The following CMIP variants were observed in gnomAD, a reference collection of about 807,000 sequenced individuals.
The protein encoded by CMIP is c-Maf inducing protein.
A neutral mutation model predicts 97.3 loss-of-function variants in CMIP; 13 were observed. That is an observed-to-expected ratio of 0.13 (90% confidence interval 0.09 to 0.21). CMIP has a LOEUF of 0.21. CMIP is among the 10% of genes least tolerant of loss of function. The pLI, the probability that CMIP is intolerant of heterozygous loss-of-function variation, is 1.00. For missense variants in CMIP, 847 were observed against 1,024.9 expected (o/e 0.83, Z 2.37); for synonymous variants, 538 against 436.3 (o/e 1.23, Z -2.91).
rs528350956 is a variant in CMIP, at chr16:81,645,677, G to A, written c.478-6526G>A. The A allele has an allele frequency of 2.0e-5, 30 of 1,482,824 alleles. No individual in the cohort carries two copies. The South Asian group carries it at 3.6e-4, about 18-fold the overall frequency. The allele number at this position is 1,482,824 out of a possible 1,614,324, so 91.9% of individuals were successfully genotyped here. On this transcript the variant is annotated intron_variant, in intron 3 of 20. Transcript: ENST00000537098. ...GACTCTGCCAGACGGGAAGCAGGAGGCTCTGCCTGCTGTCTCTGCTTGCCG... is the reference window on the plus strand; with the variant it reads ...GACTCTGCCAGACGGGAAGCAGGAGACTCTGCCTGCTGTCTCTGCTTGCCG...
chr16:81,448,754 C>T (rs563520060), intron 1 of CMIP, among the ~76,000 whole-genome samples: 6 of 152,362 alleles, frequency 3.9e-5, no homozygotes, highest in South Asian at 2.1e-4. Flanking sequence ...AGCAGATAGG[C>T]GACAGCTGAC....
chr16:81,600,556 C>G (rs1237765352), intron 1 of CMIP, among the ~76,000 whole-genome samples: 1 of 152,128 alleles, frequency 6.6e-6, no homozygotes, highest in Admixed American at 6.5e-5. Context: ...TTGATAGATA[C>G]CAGGCTAGTG....
intron 1 of CMIP, among the ~76,000 whole-genome samples, chr16:81,475,630 T>A (rs559662364): frequency 6.6e-6 from 1 of 152,316 alleles, no homozygotes; most frequent in Admixed American, 6.5e-5. Flanking sequence ...TAGGATACTG[T>A]GAGCAAATGG....
At position 81,710,185 on chromosome 16, in the gene CMIP, C is replaced by T. The variant is rs903384326; in HGVS notation, c.*386C>T. 1.9e-5 allele frequency: 5 copies of T among 263,282 alleles called. No homozygotes were observed. The highest frequency in any genetic ancestry group is 9.5e-5 in the South Asian group (2 of 20,948). 16.3% of individuals were successfully genotyped at this position (263,282 alleles called of 1,614,324 possible). A position where few individuals can be genotyped will look rare whatever the true frequency, so the allele number is the denominator to read the frequency against. On this transcript the variant is annotated 3_prime_UTR_variant, in exon 21 of 21. Coordinates refer to ENST00000537098, the MANE Select transcript of CMIP (RefSeq NM_198390.3). Reference sequence around the variant, plus strand: ...TCCGATGCCACCATTGCGGGCCGGACGAAGGATGCTTTCTTCCTAGAGGCT... The same window carrying T: ...TCCGATGCCACCATTGCGGGCCGGATGAAGGATGCTTTCTTCCTAGAGGCT...
chr16:81,699,839 C>G (rs1464463325), intron 15 of CMIP, 38 bp downstream of exon 15: 1 of 1,386,646 alleles, frequency 7.2e-7, no homozygotes, highest in African/African-American at 1.4e-5. Flanking sequence ...GGGTGGCTGG[C>G]TCCCCGTCCC....
rs1054465015 is a variant in CMIP, at chr16:81,629,010, C to A, written c.477+8084C>A. Among the ~76,000 whole-genome samples the A allele has an allele frequency of 3.3e-5, 5 of 151,742 alleles. No individual in the cohort carries two copies. The East Asian group carries it at 9.7e-4, about 29-fold the overall frequency. On this transcript the variant is annotated intron_variant, in intron 3 of 20. Transcript: ENST00000537098. The stretch of plus-strand genomic sequence containing the variant: ...AATTAGCTGGGCGTGGTGGCTCAGG[C>A]CTATAGTCCCAGCTACTCAGGAGGC...
intron 1 of CMIP, among the ~76,000 whole-genome samples, chr16:81,456,619 A>C (rs1486532992): frequency 6.6e-6 from 1 of 152,258 alleles, no homozygotes; most frequent in East Asian, 1.9e-4. Context: ...CCCCTTATAC[A>C]GATGAGCAAA....
At chr16:81,706,872 G>A in intron 19 of CMIP, 142 bp from the exon 20 acceptor site, 2 of 690,936 alleles carry the variant, frequency 2.9e-6, no homozygotes, top group South Asian at 1.7e-5. Flanking sequence ...TACCCTGGCT[G>A]TGTCTACGAA....
intron 1 of CMIP, among the ~76,000 whole-genome samples, chr16:81,474,454 C>T (rs567515479): frequency 3.3e-5 from 5 of 152,266 alleles, no homozygotes; most frequent in East Asian, 1.9e-4. Flanking sequence ...CAGGTAGGCA[C>T]GTCGCACACT....
chr16:81,533,588 C>A (rs768055512), intron 1 of CMIP, among the ~76,000 whole-genome samples: 1 of 152,144 alleles, frequency 6.6e-6, no homozygotes, highest in Non-Finnish European at 1.5e-5. Flanking sequence ...AAGCAGTTCT[C>A]CTGTCTCAGC....
chr16:81,504,988 A>G (rs555591627), intron 1 of CMIP, among the ~76,000 whole-genome samples: 3 of 152,392 alleles, frequency 2.0e-5, no homozygotes, highest in South Asian at 2.1e-4. Flanking sequence ...TGAATCAGCC[A>G]GTGAGGCTGG....
intron 1 of CMIP, among the ~76,000 whole-genome samples, chr16:81,561,664 C>T (rs2090886324): frequency 6.6e-6 from 1 of 152,150 alleles, no homozygotes; most frequent in South Asian, 2.1e-4. Flanking sequence ...AGGTTTTGAG[C>T]AGAGGGAGGA....
intron 3 of CMIP, chr16:81,645,604 G>T (rs1045815234): frequency 6.5e-7 from 1 of 1,535,898 alleles, no homozygotes; most frequent in Admixed American, 2.0e-5. Flanking sequence ...CCCAGGTAAC[G>T]TCCCTTCCTT....
chr16:81,581,260 C>T (rs984130991), intron 1 of CMIP, among the ~76,000 whole-genome samples: 1 of 152,162 alleles, frequency 6.6e-6, no homozygotes, highest in Admixed American at 6.5e-5. Context: ...TGTAGTCATG[C>T]ATTGTTTCAC....
chr16:81,681,881 T>C (rs1194603697), intron 10 of CMIP, among the ~76,000 whole-genome samples: 1 of 152,188 alleles, frequency 6.6e-6, no homozygotes, highest in East Asian at 1.9e-4. Flanking sequence ...AGATTTTTGG[T>C]GCTGGCCTAG....
chr16:81,493,872 C>T (rs931335869), intron 1 of CMIP, among the ~76,000 whole-genome samples: 3 of 152,246 alleles, frequency 2.0e-5, no homozygotes, highest in Non-Finnish European at 4.4e-5. Context: ...CAGGCCTGCC[C>T]TGTGACTCAC....
chr16:81,460,318 C>T (rs1906827307), intron 1 of CMIP, among the ~76,000 whole-genome samples: 1 of 152,120 alleles, frequency 6.6e-6, no homozygotes, highest in African/African-American at 2.4e-5. Context: ...CTTCGGGTTG[C>T]CAGCGGTTGC....
intron 3 of CMIP, 48 bp downstream of exon 3, chr16:81,620,974 C>G: frequency 1.2e-6 from 2 of 1,608,078 alleles, no homozygotes; most frequent in African/African-American, 1.3e-5. Context: ...GGCAGTGGTG[C>G]GATGGCTTAA....
chr16:81,505,098 C>T (rs1358176751), intron 1 of CMIP, among the ~76,000 whole-genome samples: 1 of 152,232 alleles, frequency 6.6e-6, no homozygotes. Flanking sequence ...GAGCCTTGCT[C>T]ATCTGATCGT....
Sources: allele counts gnomAD v4.1 joint callset (sites outside exome capture counted in the v4.1 genomes callset), GRCh38; gene constraint gnomAD v4.1.1; transcripts MANE v1.5; gene names NCBI Gene and HGNC (gene_info 2026-07-23, HGNC 2026-07-21).